CPQ: variants seen among roughly 807,000 people sequenced by gnomAD.
The protein encoded by CPQ is Ser-Met dipeptidase.
CPQ carries 37 observed loss-of-function variants against 45.7 expected under a neutral mutation model. That is an observed-to-expected ratio of 0.81 (90% CI 0.62 to 1.07). CPQ has a LOEUF of 1.07. Ranked by LOEUF, CPQ falls within the 50% of genes least tolerant of loss-of-function variation. The probability of loss-of-function intolerance (pLI) is 0.00; values close to 1 mark genes in which losing one functional copy is unlikely to be tolerated. For synonymous variants in CPQ, 186 were observed against 205.8 expected (o/e 0.90, Z 0.82); for missense variants, 537 against 572.9 (o/e 0.94, Z 0.64).
intron 2 of CPQ, among the ~76,000 whole-genome samples, chr8:96,815,114 T>C (rs1811210702): frequency 6.6e-6 from 1 of 152,084 alleles, no homozygotes; most frequent in Non-Finnish European, 1.5e-5. Flanking sequence ...TGCATAACTC[T>C]GTGAAATACT....
chr8:97,097,824 A>G (rs1046933440), intron 7 of CPQ, among the ~76,000 whole-genome samples: 5 of 148,322 alleles, frequency 3.4e-5, no homozygotes, highest in African/African-American at 1.3e-4. Flanking sequence ...GAGAGAGAGA[A>G]AGAAAGAACA....
At chr8:96,928,179 C>T (rs1279834769) in intron 4 of CPQ, among the ~76,000 whole-genome samples, 2 of 152,036 alleles carry the variant, frequency 1.3e-5, no homozygotes, top group Non-Finnish European at 2.9e-5. Flanking sequence ...AGACAGAAAG[C>T]GAGGGAAAAG....
At chr8:96,751,527 C>G (rs1363688879) in intron 1 of CPQ, among the ~76,000 whole-genome samples, 1 of 152,052 alleles carries the variant, frequency 6.6e-6, no homozygotes, top group African/African-American at 2.4e-5. Context: ...TTTGTAGATT[C>G]TAGATATTAG....
At chr8:97,044,867 G>A (rs1047157739) in intron 6 of CPQ, among the ~76,000 whole-genome samples, 6 of 152,118 alleles carry the variant, frequency 3.9e-5, no homozygotes, top group East Asian at 1.9e-4. Flanking sequence ...AGGAGTACCC[G>A]GCTGTGTGAG....
chr8:96,738,899 T>G (rs1254004861), intron 1 of CPQ, among the ~76,000 whole-genome samples: 3 of 152,074 alleles, frequency 2.0e-5, no homozygotes, highest in Non-Finnish European at 2.9e-5. Flanking sequence ...TTTGCTATTG[T>G]GAATAATGCC....
intron 3 of CPQ, among the ~76,000 whole-genome samples, chr8:96,860,556 T>C (rs987770370): frequency 5.3e-5 from 8 of 152,128 alleles, no homozygotes; most frequent in African/African-American, 1.9e-4. Context: ...AAAGTAGCTT[T>C]TTCTAAGTAG....
At chr8:96,845,134 G>A (rs1056117100) in intron 3 of CPQ, among the ~76,000 whole-genome samples, 1 of 152,130 alleles carries the variant, frequency 6.6e-6, no homozygotes, top group Non-Finnish European at 1.5e-5. Context: ...GGTTCTTTTT[G>A]TGAAAAGCCT....
chr8:96,956,261 C>A (rs1324044113), intron 4 of CPQ, among the ~76,000 whole-genome samples: 1 of 152,148 alleles, frequency 6.6e-6, no homozygotes, highest in Non-Finnish European at 1.5e-5. Flanking sequence ...CATTCAAGCT[C>A]CCCCTACTCC....
chr8:97,023,073 G>A (rs1385183847), intron 5 of CPQ, among the ~76,000 whole-genome samples: 1 of 66,256 alleles, frequency 1.5e-5, no homozygotes, highest in Non-Finnish European at 3.7e-5. Context: ...AAACTGTAGT[G>A]TATATATATA....
chr8:96,895,485 G>A (rs1309468635), intron 4 of CPQ, among the ~76,000 whole-genome samples: 2 of 152,032 alleles, frequency 1.3e-5, no homozygotes. Flanking sequence ...TACTTAACCT[G>A]GTATTAGATG....
chr8:96,950,120 A>G (rs752140487), intron 4 of CPQ, among the ~76,000 whole-genome samples: 12 of 152,114 alleles, frequency 7.9e-5, no homozygotes, highest in East Asian at 3.9e-4. Context: ...TTTGAAGACT[A>G]TAATAAAGGT....
intron 3 of CPQ, among the ~76,000 whole-genome samples, chr8:96,854,282 A>G (rs1189070314): frequency 6.6e-5 from 10 of 151,946 alleles, no homozygotes; most frequent in African/African-American, 2.4e-4. Flanking sequence ...CTGTAATCCC[A>G]GCACTTTGGG....
chr8:96,740,122 T>A (rs962845892), intron 1 of CPQ, among the ~76,000 whole-genome samples: 3 of 152,022 alleles, frequency 2.0e-5, no homozygotes, highest in African/African-American at 7.3e-5. Context: ...TTTGTTTGTA[T>A]CCTCTTTTAT....
chr8:96,809,137 G>A (rs1811125672), intron 2 of CPQ, among the ~76,000 whole-genome samples: 1 of 151,940 alleles, frequency 6.6e-6, no homozygotes, highest in Non-Finnish European at 1.5e-5. Flanking sequence ...GCCCTGTGAT[G>A]TCAATGTATT....
At chr8:96,972,143 G>A (rs1813690143) in intron 5 of CPQ, among the ~76,000 whole-genome samples, 1 of 152,204 alleles carries the variant, frequency 6.6e-6, no homozygotes, top group African/African-American at 2.4e-5. Flanking sequence ...CCTGGAAATA[G>A]ATTCAGTGCT....
chr8:96,924,443 G>A (rs976745582), intron 4 of CPQ, among the ~76,000 whole-genome samples: 1 of 152,162 alleles, frequency 6.6e-6, no homozygotes, highest in Non-Finnish European at 1.5e-5. Context: ...AAGCGCCACT[G>A]CAAATTTCCC....
At chr8:96,979,244 G>A (rs1813844564) in intron 5 of CPQ, among the ~76,000 whole-genome samples, 2 of 152,134 alleles carry the variant, frequency 1.3e-5, no homozygotes, top group Non-Finnish European at 2.9e-5. Context: ...AGGCACCACT[G>A]AGGATTTTAA....
At chr8:96,874,252 C>G (rs1017858938) in intron 3 of CPQ, among the ~76,000 whole-genome samples, 2 of 151,784 alleles carry the variant, frequency 1.3e-5, no homozygotes, top group African/African-American at 4.8e-5. Flanking sequence ...CTAGGATTCT[C>G]TCCTTAAAGG....
chr8:96,949,240 C>T (rs1002360787), intron 4 of CPQ, among the ~76,000 whole-genome samples: 6 of 135,258 alleles, frequency 4.4e-5, no homozygotes, highest in Non-Finnish European at 9.2e-5. Context: ...TTACTGTCCT[C>T]GTTTATGTTT....
Sources: gnomAD v4.1 joint callset for allele counts (sites outside exome capture counted in the v4.1 genomes callset) on GRCh38, gnomAD v4.1.1 for gene constraint, MANE v1.5 for transcripts, NCBI Gene and HGNC (gene_info 2026-07-23, HGNC 2026-07-21) for gene names.